Variants in GRIA1 observed in about 807,000 individuals in gnomAD.
GRIA1 encodes the protein glutamate ionotropic receptor AMPA type subunit 1.
Under a neutral mutation model 99.2 loss-of-function variants are expected in GRIA1, and 31 were observed. The observed-to-expected ratio is 0.31, with a 90% confidence interval of 0.23 to 0.42. GRIA1 has a LOEUF of 0.42. GRIA1 is among the 10% of genes least tolerant of loss of function. The pLI, the probability that GRIA1 is intolerant of heterozygous loss-of-function variation, is 1.00. For missense variants in GRIA1, 782 were observed against 1,157.5 expected, an observed-to-expected ratio of 0.68 and a Z score of 4.71; for synonymous variants, 438 against 432.4, an observed-to-expected ratio of 1.01 and a Z score of -0.16.
At chr5:153,674,205 A>C (rs1266086052) in intron 5 of GRIA1, among the ~76,000 whole-genome samples, 1 of 152,208 alleles carries the variant, frequency 6.6e-6, no homozygotes, top group Non-Finnish European at 1.5e-5. Context: ...CAACAACCAG[A>C]CCTCCATTAT....
chr5:153,751,119 T>TAAGC, intron 11 of GRIA1, among the ~76,000 whole-genome samples: 1 of 152,168 alleles, frequency 6.6e-6, no homozygotes, highest in East Asian at 1.9e-4. Context: ...GAAGGAGAAG[T>TAAGC]AAGCACAAAG....
intron 2 of GRIA1, among the ~76,000 whole-genome samples, chr5:153,630,291 A>G (rs1252622242): frequency 6.8e-6 from 1 of 147,524 alleles, no homozygotes; most frequent in Non-Finnish European, 1.5e-5. Flanking sequence ...ATTTGTTGCC[A>G]CTGTGGCTGT....
intron 11 of GRIA1, among the ~76,000 whole-genome samples, chr5:153,762,412 T>C (rs1441171424): frequency 6.6e-6 from 1 of 152,206 alleles, no homozygotes; most frequent in Non-Finnish European, 1.5e-5. Flanking sequence ...TCAACACTTG[T>C]ATCTGCCACC....
At chr5:153,774,180 T>C (rs890309601) in intron 13 of GRIA1, among the ~76,000 whole-genome samples, 2 of 150,182 alleles carry the variant, frequency 1.3e-5, no homozygotes, top group African/African-American at 2.5e-5. Flanking sequence ...CAAAGAGTTA[T>C]GGCAAACCAA....
At chr5:153,741,471 C>G (rs1038326472) in intron 11 of GRIA1, among the ~76,000 whole-genome samples, 1 of 151,994 alleles carries the variant, frequency 6.6e-6, no homozygotes, top group Non-Finnish European at 1.5e-5. Flanking sequence ...TTATTACAGC[C>G]CTATTCACAG....
At chr5:153,567,896 A>G (rs766117719) in intron 2 of GRIA1, among the ~76,000 whole-genome samples, 4 of 152,212 alleles carry the variant, frequency 2.6e-5, no homozygotes, top group Non-Finnish European at 5.9e-5. Flanking sequence ...AGACAGTAAT[A>G]AGAAATTTGG....
At chr5:153,606,149 C>T (rs1211771829) in intron 2 of GRIA1, among the ~76,000 whole-genome samples, 1 of 152,108 alleles carries the variant, frequency 6.6e-6, no homozygotes, top group East Asian at 1.9e-4. Context: ...ATCAATTTTT[C>T]TACATAGATA....
chr5:153,696,862 A>ATGTGTG (rs10694156), intron 8 of GRIA1, among the ~76,000 whole-genome samples: 426 of 151,234 alleles, frequency 2.8e-3, no homozygotes, highest in East Asian at 9.6e-3. Flanking sequence ...TAGGGTGTGT[A>ATGTGTG]TGTGTGTGTG....
chr5:153,764,660 T>C, intron 12 of GRIA1, 28 bp downstream of exon 12: 1 of 1,519,784 alleles, frequency 6.6e-7, no homozygotes, highest in Non-Finnish European at 9.1e-7. Flanking sequence ...CCCAAGACAC[T>C]TTCACAAAAG....
At chr5:153,803,294 A>G (rs970814676) in intron 15 of GRIA1, among the ~76,000 whole-genome samples, 7 of 152,230 alleles carry the variant, frequency 4.6e-5, no homozygotes, top group African/African-American at 1.4e-4. Context: ...TGACAAGAAT[A>G]TGGATTCAAG....
At chr5:153,652,796 A>T (rs1754670462) in intron 4 of GRIA1, among the ~76,000 whole-genome samples, 1 of 152,208 alleles carries the variant, frequency 6.6e-6, no homozygotes, top group South Asian at 2.1e-4. Flanking sequence ...TGACGGTCAA[A>T]TTGATTAAGT....
At position 153,705,662 on chromosome 5, in the gene GRIA1, ATTTTTTTT is replaced by A. The variant is rs70978505; in HGVS notation, c.1453-11_1453-4del. ...GAAAAGGGCTGCTGAGCTCACCTGC[ATTTTTTTT>A]TTTTTTTTTTTTTTTTTTTTTTTCA... On this transcript the variant is annotated intron_variant, in intron 10 of 15. Transcript: ENST00000285900. 1.4e-4 allele frequency: 103 copies of A among 752,436 alleles called. No individual in the cohort carries two copies. In the Middle Eastern group the frequency reaches 1.5e-3, roughly 11 times the overall value. The allele number at this position is 752,436 out of a possible 1,614,324, so 46.6% of individuals were successfully genotyped here.
intron 11 of GRIA1, among the ~76,000 whole-genome samples, chr5:153,724,175 A>T (rs1581541021): frequency 1.3e-5 from 2 of 152,160 alleles, no homozygotes; most frequent in Admixed American, 1.3e-4. Context: ...ACAGACCTGC[A>T]GCTGAGGGTC....
chr5:153,763,254 T>G (rs1223116613), intron 11 of GRIA1, among the ~76,000 whole-genome samples: 2 of 152,192 alleles, frequency 1.3e-5, no homozygotes, highest in Non-Finnish European at 2.9e-5. Flanking sequence ...ATAAGGGTTT[T>G]GCAAGCAGTG....
chr5:153,802,303 T>C, intron 14 of GRIA1, 53 bp from the exon 15 acceptor site: 1 of 1,572,614 alleles, frequency 6.4e-7, no homozygotes, highest in Non-Finnish European at 8.7e-7. Flanking sequence ...CTTTAGCCTC[T>C]TGACTCACTT....
chr5:153,716,264 T>A (rs1759660860), intron 11 of GRIA1, among the ~76,000 whole-genome samples: 1 of 152,202 alleles, frequency 6.6e-6, no homozygotes, highest in South Asian at 2.1e-4. Context: ...TTCACTTGCA[T>A]GTGGGTACCC....
At chr5:153,615,484 A>T (rs1052778558) in intron 2 of GRIA1, among the ~76,000 whole-genome samples, 6 of 152,158 alleles carry the variant, frequency 3.9e-5, no homozygotes, top group Non-Finnish European at 5.9e-5. Flanking sequence ...TCTACAAAAA[A>T]TTTTTAAAAA....
intron 2 of GRIA1, among the ~76,000 whole-genome samples, chr5:153,625,228 C>T (rs1767481566): frequency 6.6e-6 from 1 of 152,116 alleles, no homozygotes; most frequent in Non-Finnish European, 1.5e-5. Context: ...AAACATAGCC[C>T]AGGAATGCTG....
chr5:153,541,430 C>G (rs1344334383), intron 2 of GRIA1, among the ~76,000 whole-genome samples: 2 of 152,204 alleles, frequency 1.3e-5, no homozygotes, highest in East Asian at 3.8e-4. Context: ...CCATTTCATT[C>G]ATGACTATAG....
Sources: gnomAD v4.1 joint callset for allele counts (sites outside exome capture counted in the v4.1 genomes callset) on GRCh38, gnomAD v4.1.1 for gene constraint, MANE v1.5 for transcripts, NCBI Gene and HGNC (gene_info 2026-07-23, HGNC 2026-07-21) for gene names.